The following TNFSF11 variants were observed in gnomAD, a reference collection of about 807,000 sequenced individuals.
TNFSF11 encodes the protein tumor necrosis factor ligand superfamily member 11.
A neutral mutation model predicts 32.2 loss-of-function variants in TNFSF11; 12 were observed. The observed-to-expected ratio is 0.37, with a 90% CI of 0.24 to 0.60. The LOEUF is 0.60. TNFSF11 is among the 20% of genes least tolerant of loss of function. TNFSF11 has a pLI of 0.66. For missense variants in TNFSF11, 345 were observed against 398.0 expected, an observed-to-expected ratio of 0.87 and a Z score of 1.13; for synonymous variants, 172 against 152.1, an observed-to-expected ratio of 1.13 and a Z score of -0.96.
rs139442270 is a variant in TNFSF11 at position 42,563,432 on chromosome 13, G to A, written c.-302+469G>A. Among the ~76,000 whole-genome samples, 933 of 152,260 alleles carry A rather than the reference G, an allele frequency of 6.1e-3. 3 individuals are homozygous for A. The highest frequency in any genetic ancestry group is 8.4e-3 in the Non-Finnish European group (574 of 68,016). ...AATCCCAGCGCTTTAGGAGGCCAAG[G>A]CGGGTGGATTACTTGAGGTCAAGAG... On this transcript the variant is annotated intron_variant, in intron 1 of 6. Coordinates refer to the TNFSF11 transcript ENST00000358545.
chr13:42,587,997 G>A (rs898371876), intron 2 of TNFSF11, among the ~76,000 whole-genome samples: 2 of 152,186 alleles, frequency 1.3e-5, no homozygotes, highest in African/African-American at 4.8e-5. Flanking sequence ...GTATACAAGA[G>A]TATGTGTCCG....
chr13:42,569,557 A>AAAAAAAG (rs398022496), upstream of TNFSF11, among the ~76,000 whole-genome samples: 2 of 67,466 alleles, frequency 3.0e-5, no homozygotes, highest in African/African-American at 7.5e-5. Flanking sequence ...CAAAAAAAAA[A>AAAAAAAG]AAAAGAAAAG....
intron 2 of TNFSF11, among the ~76,000 whole-genome samples, chr13:42,583,587 A>T (rs920010478): frequency 1.4e-4 from 22 of 151,998 alleles, no homozygotes; most frequent in African/African-American, 4.1e-4. Context: ...ACTATTTCTG[A>T]TGTTTAAAAT....
upstream of TNFSF11, among the ~76,000 whole-genome samples, chr13:42,573,996 G>A (rs1445776623): frequency 6.6e-6 from 1 of 152,172 alleles, no homozygotes; most frequent in Non-Finnish European, 1.5e-5. Context: ...CATGAAGGAG[G>A]CCCTTCAGTG....
intron 2 of TNFSF11, among the ~76,000 whole-genome samples, chr13:42,567,129 G>A (rs151301903): frequency 1.3e-4 from 20 of 152,236 alleles, no homozygotes; most frequent in African/African-American, 3.6e-4. Context: ...GAAAACTGAA[G>A]TGGAGACAGA....
chr13:42,600,929 T>C lies in TNFSF11; in HGVS notation c.480T>C (p.Leu160=), dbSNP rs148418296. The part of the protein sequence containing the change: ...SWLDLAKRSK[L]EAQPFAHLTI... ...TAGATCTGGCCAAGAGGAGCAAGCT[T>C]GAAGCTCAGCCTTTTGCTCATCTCA... Residue 160 remains leucine, a synonymous_variant, in exon 4 of 5, where the codon CTT becomes CTC. Transcript: ENST00000398795. 1.4e-5 allele frequency: 23 copies of C among 1,614,040 alleles called. No homozygotes were observed. In the African/African-American group the frequency reaches 2.7e-4, roughly 19 times the overall value.
chr13:42,598,292 G>T (rs1868932210), intron 2 of TNFSF11, among the ~76,000 whole-genome samples: 1 of 152,112 alleles, frequency 6.6e-6, no homozygotes, highest in South Asian at 2.1e-4. Context: ...GGAAAATGAG[G>T]GGTAGCGTTC....
chr13:42,590,280 A>G (rs1371811638), intron 2 of TNFSF11, among the ~76,000 whole-genome samples: 1 of 152,260 alleles, frequency 6.6e-6, no homozygotes, highest in Non-Finnish European at 1.5e-5. Flanking sequence ...CTAGCCAGCC[A>G]TGTGATCAAT....
chr13:42,572,711 T>C (rs940766582), upstream of TNFSF11, among the ~76,000 whole-genome samples: 1 of 152,222 alleles, frequency 6.6e-6, no homozygotes, highest in Non-Finnish European at 1.5e-5. Flanking sequence ...TTTCTTTGTA[T>C]GGCTGCCTTT....
At chr13:42,589,944 C>T (rs181858403) in intron 2 of TNFSF11, among the ~76,000 whole-genome samples, 1 of 152,358 alleles carries the variant, frequency 6.6e-6, no homozygotes, top group Admixed American at 6.5e-5. Flanking sequence ...TAAAATCCAA[C>T]TCAGGCATTA....
At chr13:42,582,238 A>C (rs1300839419) in intron 2 of TNFSF11, among the ~76,000 whole-genome samples, 1 of 152,236 alleles carries the variant, frequency 6.6e-6, no homozygotes, top group Non-Finnish European at 1.5e-5. Context: ...ATTTAAAAAG[A>C]GGACATGTGT....
chr13:42,574,575 C>A (rs1429165126), intron 1 of TNFSF11, 53 bp downstream of exon 1: 5 of 1,575,528 alleles, frequency 3.2e-6, no homozygotes, highest in African/African-American at 1.3e-5. Flanking sequence ...ATCTCCTTCC[C>A]CCGCACTTGG....
upstream of TNFSF11, chr13:42,574,150 C>T: frequency 1.9e-6 from 2 of 1,027,038 alleles, no homozygotes; most frequent in Non-Finnish European, 2.9e-6. Flanking sequence ...GCCGGGCGCC[C>T]TGCCCGCTCG....
chr13:42,568,316 G>A (rs1325801), intron 2 of TNFSF11, among the ~76,000 whole-genome samples: 1 of 152,144 alleles, frequency 6.6e-6, no homozygotes, highest in Non-Finnish European at 1.5e-5. Context: ...CTTGCTTTAG[G>A]TTTTTTCCAG....
chr13:42,589,172 G>A (rs1177280876), intron 2 of TNFSF11, among the ~76,000 whole-genome samples: 1 of 152,182 alleles, frequency 6.6e-6, no homozygotes, highest in South Asian at 2.1e-4. Flanking sequence ...ATTTGATCTA[G>A]TTTTTCATGG....
upstream of TNFSF11, among the ~76,000 whole-genome samples, chr13:42,570,065 A>G (rs1381442204): frequency 6.6e-6 from 1 of 152,224 alleles, no homozygotes; most frequent in African/African-American, 2.4e-5. Context: ...TTATAAATAT[A>G]ACTCACACAA....
intron 2 of TNFSF11, among the ~76,000 whole-genome samples, chr13:42,593,993 C>T (rs1868644340): frequency 6.6e-6 from 1 of 152,164 alleles, no homozygotes; most frequent in Admixed American, 6.5e-5. Flanking sequence ...TCTGATAAGC[C>T]CAGACTCCAG....
At chr13:42,590,783 G>A (rs1868415731) in intron 2 of TNFSF11, among the ~76,000 whole-genome samples, 1 of 152,158 alleles carries the variant, frequency 6.6e-6, no homozygotes. Flanking sequence ...GAAAACCCAA[G>A]GGGACCTTTA....
chr13:42,586,798 C>T (rs1873922357), intron 2 of TNFSF11, among the ~76,000 whole-genome samples: 1 of 152,122 alleles, frequency 6.6e-6, no homozygotes, highest in Non-Finnish European at 1.5e-5. Context: ...GGAAGTAAGA[C>T]CAGGGAGCCA....
Sources: allele counts gnomAD v4.1 joint callset (sites outside exome capture counted in the v4.1 genomes callset), GRCh38; gene constraint gnomAD v4.1.1; transcripts MANE v1.5; gene names NCBI Gene and HGNC (gene_info 2026-07-23, HGNC 2026-07-21).